PTPRD: variants seen among roughly 807,000 people sequenced by gnomAD.
The protein encoded by PTPRD is protein tyrosine phosphatase receptor type D, also known as receptor-type tyrosine-protein phosphatase delta.
A neutral mutation model predicts 214.5 loss-of-function variants in PTPRD; 34 were observed. The ratio of observed to expected loss-of-function variants is 0.16; its 90% CI spans 0.12 to 0.21. The LOEUF (loss-of-function observed/expected upper bound fraction) is 0.21. Ranked by LOEUF, PTPRD falls within the 10% of genes least tolerant of loss-of-function variation. PTPRD has a pLI of 1.00. For missense variants in PTPRD, 2,545 were observed against 2,398.7 expected (o/e 1.06, Z -1.27); for synonymous variants, 1,128 against 845.7 (o/e 1.33, Z -5.79).
chr9:10,610,668 T>C (rs575564257), intron 2 of PTPRD, among the ~76,000 whole-genome samples: 8 of 152,244 alleles, frequency 5.3e-5, no homozygotes, highest in African/African-American at 1.9e-4. Flanking sequence ...CTAAGAGCAG[T>C]AATATGTCTA....
At chr9:9,160,554 A>G (rs543130991) in intron 10 of PTPRD, among the ~76,000 whole-genome samples, 69 of 152,298 alleles carry the variant, frequency 4.5e-4, no homozygotes, top group African/African-American at 1.3e-3. Context: ...GATGTGGTGA[A>G]AAGTGAACAC....
chr9:10,266,617 G>T (rs939531230), intron 3 of PTPRD, among the ~76,000 whole-genome samples: 3 of 152,154 alleles, frequency 2.0e-5, no homozygotes, highest in African/African-American at 7.2e-5. Flanking sequence ...GCGGCATGGG[G>T]TATGGAAAGT....
At chr9:9,570,927 G>T (rs1044116204) in intron 8 of PTPRD, among the ~76,000 whole-genome samples, 3 of 151,248 alleles carry the variant, frequency 2.0e-5, no homozygotes, top group African/African-American at 7.3e-5. Flanking sequence ...TTATTACATT[G>T]TTTCAATATT....
At chr9:9,638,913 G>A (rs75556072) in intron 7 of PTPRD, among the ~76,000 whole-genome samples, 2,872 of 152,150 alleles carry the variant, frequency 0.019, 87 homozygotes, top group African/African-American at 0.066. Flanking sequence ...AGAGCAGAAG[G>A]TGAAGGAGTA....
intron 7 of PTPRD, among the ~76,000 whole-genome samples, chr9:9,699,541 G>A (rs1312195741): frequency 2.6e-5 from 4 of 152,026 alleles, no homozygotes; most frequent in Admixed American, 6.6e-5. Flanking sequence ...ACTCTAAAAT[G>A]AATCTTATCT....
intron 3 of PTPRD, among the ~76,000 whole-genome samples, chr9:10,325,422 A>G (rs1368749978): frequency 6.6e-6 from 1 of 151,960 alleles, no homozygotes; most frequent in Non-Finnish European, 1.5e-5. Context: ...ACACTACTAC[A>G]AACTATTTTT....
At chr9:9,214,750 T>C (rs1327492923) in intron 9 of PTPRD, among the ~76,000 whole-genome samples, 1 of 152,188 alleles carries the variant, frequency 6.6e-6, no homozygotes, top group East Asian at 1.9e-4. Flanking sequence ...AAAAATAATA[T>C]TCATACGTAC....
intron 9 of PTPRD, among the ~76,000 whole-genome samples, chr9:9,367,415 C>T (rs954196581): frequency 6.6e-6 from 1 of 151,616 alleles, no homozygotes; most frequent in Non-Finnish European, 1.5e-5. Context: ...TCTTTCACCA[C>T]ATTGACATTT....
At chr9:9,180,658 A>G (rs896160099) in intron 10 of PTPRD, among the ~76,000 whole-genome samples, 1 of 152,128 alleles carries the variant, frequency 6.6e-6, no homozygotes, top group Admixed American at 6.6e-5. Context: ...ACTGATGTAT[A>G]ACACTCACAT....
At chr9:9,942,357 T>C (rs1236719000) in intron 4 of PTPRD, among the ~76,000 whole-genome samples, 1 of 152,284 alleles carries the variant, frequency 6.6e-6, no homozygotes, top group Non-Finnish European at 1.5e-5. Context: ...TTCAGCTTTA[T>C]GTTTTTCTAT....
intron 5 of PTPRD, among the ~76,000 whole-genome samples, chr9:9,769,071 T>C (rs1012774668): frequency 5.3e-5 from 8 of 152,058 alleles, no homozygotes; most frequent in Non-Finnish European, 5.9e-5. Context: ...AACTTTAATA[T>C]AGGCTAATAT....
chr9:8,513,802 C>T (rs1292677291), intron 21 of PTPRD, among the ~76,000 whole-genome samples: 2 of 152,006 alleles, frequency 1.3e-5, no homozygotes. Flanking sequence ...ATCCACTGGC[C>T]TTTTTAATTA....
intron 3 of PTPRD, among the ~76,000 whole-genome samples, chr9:10,139,905 C>G (rs111573590): frequency 1.3e-5 from 2 of 152,040 alleles, no homozygotes; most frequent in Admixed American, 1.3e-4. Flanking sequence ...AGATTAATGA[C>G]TTAAATGAAA....
At chr9:9,696,099 T>A (rs894088765) in intron 7 of PTPRD, among the ~76,000 whole-genome samples, 1 of 152,180 alleles carries the variant, frequency 6.6e-6, no homozygotes, top group Non-Finnish European at 1.5e-5. Context: ...AGTTTTCTAT[T>A]TCTTCAAGAT....
chr9:8,468,736 G>T (rs1171095673), intron 31 of PTPRD, among the ~76,000 whole-genome samples: 1 of 145,418 alleles, frequency 6.9e-6, no homozygotes, highest in Non-Finnish European at 1.5e-5. Flanking sequence ...ACACTGCTTT[G>T]TCAAACCTGG....
intron 10 of PTPRD, among the ~76,000 whole-genome samples, chr9:9,048,614 A>C (rs1257921306): frequency 1.3e-5 from 2 of 152,138 alleles, no homozygotes; most frequent in African/African-American, 4.8e-5. Flanking sequence ...AAACAGTTGA[A>C]ATCATGAACA....
intron 12 of PTPRD, among the ~76,000 whole-genome samples, chr9:8,688,579 A>AG (rs1455466080): frequency 6.7e-6 from 1 of 148,204 alleles, no homozygotes; most frequent in Non-Finnish European, 1.5e-5. Context: ...AAAAAAAAAA[A>AG]GAAAAAAATA....
At chr9:9,656,767 G>A (rs1030012259) in intron 7 of PTPRD, among the ~76,000 whole-genome samples, 1 of 152,212 alleles carries the variant, frequency 6.6e-6, no homozygotes, top group South Asian at 2.1e-4. Context: ...TATGAACTCT[G>A]AGTGATAATA....
chr9:10,268,940 A>G lies in PTPRD; in HGVS notation c.-545+72023T>C, dbSNP rs557087938. 3.9e-5 allele frequency among the ~76,000 whole-genome samples: 6 copies of G among 152,334 alleles called. No homozygotes were observed. In the East Asian group the frequency reaches 1.2e-3, roughly 29 times the overall value. On this transcript the variant is annotated intron_variant, in intron 3 of 45. Coordinates refer to ENST00000381196, the MANE Select transcript of PTPRD (RefSeq NM_002839.4). ...TCCTGTGCGTTGTAGAATGCCTGGC[A>G]GTATCCCTGGCCTCTAGCCATCGAA...
Sources: allele counts gnomAD v4.1 joint callset (sites outside exome capture counted in the v4.1 genomes callset), GRCh38; gene constraint gnomAD v4.1.1; transcripts MANE v1.5; gene names NCBI Gene and HGNC (gene_info 2026-07-23, HGNC 2026-07-21).